ADGRL3: variants seen among roughly 807,000 people sequenced by gnomAD.
ADGRL3 encodes the protein adhesion G protein-coupled receptor L3.
ADGRL3 carries 62 observed loss-of-function variants against 153.5 expected under a neutral mutation model. The observed-to-expected ratio is 0.40, with a 90% CI of 0.33 to 0.50. The LOEUF is 0.50. Ranked by LOEUF, ADGRL3 falls within the 20% of genes least tolerant of loss-of-function variation. The probability of loss-of-function intolerance (pLI) is 0.47; values close to 1 mark genes in which losing one functional copy is unlikely to be tolerated. For synonymous variants in ADGRL3, 710 were observed against 672.5 expected (o/e 1.06, Z -0.86); for missense variants, 1,641 against 1,859.4 (o/e 0.88, Z 2.16).
intron 2 of ADGRL3, among the ~76,000 whole-genome samples, chr4:61,402,591 C>T (rs1353615636): frequency 6.6e-6 from 1 of 152,028 alleles, no homozygotes; most frequent in Non-Finnish European, 1.5e-5. Context: ...GAATAATACA[C>T]CAGAATCTCT....
chr4:61,331,890 A>G (rs1388736072), intron 1 of ADGRL3, among the ~76,000 whole-genome samples: 1 of 152,062 alleles, frequency 6.6e-6, no homozygotes, highest in Non-Finnish European at 1.5e-5. Context: ...ATAAGAGCAC[A>G]AATTTTGAAA....
At chr4:61,670,100 C>T (rs899493820) in intron 5 of ADGRL3, among the ~76,000 whole-genome samples, 1 of 152,090 alleles carries the variant, frequency 6.6e-6, no homozygotes, top group Non-Finnish European at 1.5e-5. Flanking sequence ...TCGAGACCAT[C>T]CTGGCCAACA....
intron 4 of ADGRL3, among the ~76,000 whole-genome samples, chr4:61,561,512 A>AG (rs2148978967): frequency 6.6e-6 from 1 of 152,062 alleles, no homozygotes; most frequent in Non-Finnish European, 1.5e-5. Flanking sequence ...CAAATGATTC[A>AG]GGGGGCTGGG....
intron 9 of ADGRL3, among the ~76,000 whole-genome samples, chr4:61,873,280 C>T (rs550773403): frequency 6.6e-6 from 1 of 152,294 alleles, no homozygotes; most frequent in African/African-American, 2.4e-5. Flanking sequence ...CACAGAATTT[C>T]TTCTGTGCAG....
At chr4:61,970,607 T>TTGTA (rs2099023489) in intron 17 of ADGRL3, among the ~76,000 whole-genome samples, 1 of 152,182 alleles carries the variant, frequency 6.6e-6, no homozygotes, top group Non-Finnish European at 1.5e-5. Flanking sequence ...TATATGAATG[T>TTGTA]TGTATGCTCT....
chr4:61,597,048 A>G (rs1374994782), intron 5 of ADGRL3, among the ~76,000 whole-genome samples: 3 of 151,604 alleles, frequency 2.0e-5, no homozygotes, highest in Non-Finnish European at 4.4e-5. Context: ...TTTCATGCAT[A>G]AGGGCTAATT....
chr4:61,571,861 A>G (rs2098840494), intron 4 of ADGRL3, among the ~76,000 whole-genome samples: 1 of 152,190 alleles, frequency 6.6e-6, no homozygotes, highest in Non-Finnish European at 1.5e-5. Flanking sequence ...TCATGAATAA[A>G]TAGTTTTTGG....
chr4:61,787,264 T>C (rs936548949), intron 8 of ADGRL3, among the ~76,000 whole-genome samples: 3 of 152,164 alleles, frequency 2.0e-5, no homozygotes, highest in Admixed American at 2.0e-4. Flanking sequence ...CCAGACATTA[T>C]TGGACTTCCT....
intron 8 of ADGRL3, among the ~76,000 whole-genome samples, chr4:61,749,574 T>C (rs2096723693): frequency 6.6e-6 from 1 of 151,976 alleles, no homozygotes; most frequent in South Asian, 2.1e-4. Context: ...ATGGATGAAA[T>C]TGGAAATCAT....
chr4:61,637,647 G>C (rs1248250472), intron 5 of ADGRL3, among the ~76,000 whole-genome samples: 1 of 152,072 alleles, frequency 6.6e-6, no homozygotes, highest in Non-Finnish European at 1.5e-5. Context: ...TGTAATTCCA[G>C]CTACTCGTGA....
At chr4:61,220,069 G>A (rs1023396894) in intron 1 of ADGRL3, among the ~76,000 whole-genome samples, 5 of 149,392 alleles carry the variant, frequency 3.3e-5, no homozygotes, top group Admixed American at 6.7e-5. Context: ...GATTGCGTGC[G>A]CCATTGCACT....
At chr4:61,839,760 C>A (rs1300473881) in intron 9 of ADGRL3, among the ~76,000 whole-genome samples, 3 of 151,064 alleles carry the variant, frequency 2.0e-5, no homozygotes, top group Non-Finnish European at 4.4e-5. Flanking sequence ...ATAGTGAGAC[C>A]CTGTCTCTGC....
rs181278791 is a variant in ADGRL3, at chr4:61,381,315, G to A, written c.-239-1809G>A. On this transcript the variant is annotated intron_variant, in intron 1 of 26. Transcript: ENST00000683033. ...AGTTTGTGTGTGTGTGTGTGTGTGT[G>A]TGTGTGTGTGTGTGTGTGTTTAATT... Among the ~76,000 whole-genome samples, 221 of 151,436 alleles carry A rather than the reference G, an allele frequency of 1.5e-3. 5 individuals carry two copies. In the East Asian group the frequency reaches 0.039, roughly 27 times the overall value.
chr4:61,593,659 A>T (rs924035507), intron 5 of ADGRL3, among the ~76,000 whole-genome samples: 3 of 152,034 alleles, frequency 2.0e-5, no homozygotes, highest in African/African-American at 7.2e-5. Flanking sequence ...TGTCAGATAC[A>T]TTGGAGCTTT....
intron 1 of ADGRL3, among the ~76,000 whole-genome samples, chr4:61,297,982 A>G (rs1400322656): frequency 6.6e-6 from 1 of 152,116 alleles, no homozygotes; most frequent in East Asian, 1.9e-4. Flanking sequence ...CTTTCACTCT[A>G]AGGCAATTAT....
chr4:62,052,362 T>C (rs1302329111), intron 25 of ADGRL3, among the ~76,000 whole-genome samples: 1 of 151,624 alleles, frequency 6.6e-6, no homozygotes, highest in Non-Finnish European at 1.5e-5. Flanking sequence ...GTTATTCACG[T>C]CTTTATTTCT....
chr4:61,394,112 A>G (rs1578618021), intron 2 of ADGRL3, among the ~76,000 whole-genome samples: 1 of 152,160 alleles, frequency 6.6e-6, no homozygotes, highest in Non-Finnish European at 1.5e-5. Flanking sequence ...GAGTACGGTC[A>G]TGGTAAGACC....
intron 4 of ADGRL3, among the ~76,000 whole-genome samples, chr4:61,581,454 C>A (rs759734869): frequency 6.6e-6 from 1 of 151,982 alleles, no homozygotes; most frequent in Non-Finnish European, 1.5e-5. Flanking sequence ...ATGCCCTCCA[C>A]GGGACAATTC....
At chr4:61,354,337 C>T (rs2096118262) in intron 1 of ADGRL3, among the ~76,000 whole-genome samples, 1 of 152,130 alleles carries the variant, frequency 6.6e-6, no homozygotes, top group Non-Finnish European at 1.5e-5. Context: ...ATTTCAAATA[C>T]ATGAGAGTTC....
Sources: gnomAD v4.1 joint callset for allele counts (sites outside exome capture counted in the v4.1 genomes callset) on GRCh38, gnomAD v4.1.1 for gene constraint, MANE v1.5 for transcripts, NCBI Gene and HGNC (gene_info 2026-07-23, HGNC 2026-07-21) for gene names.